The following TTBK2 variants were observed in gnomAD, a reference collection of about 807,000 sequenced individuals.
TTBK2 encodes tau-tubulin kinase 2.
TTBK2 carries 28 observed loss-of-function variants against 110.8 expected under a neutral mutation model. That is an observed-to-expected ratio of 0.25 (90% confidence interval 0.19 to 0.35). TTBK2 has a LOEUF of 0.35. Among genes scored for constraint, TTBK2 ranks in the 10% least tolerant of loss-of-function variants. TTBK2 has a pLI of 1.00. For synonymous variants in TTBK2, 532 were observed against 527.3 expected (o/e 1.01, Z -0.12); for missense variants, 1,369 against 1,500.3 (o/e 0.91, Z 1.45).
In TTBK2 at chr15:42,741,546, A is replaced by T. The variant is rs2061751582; in HGVS notation, c.*4249T>A. The T allele has an allele frequency of 6.6e-6, 1 of 152,212 alleles. No individual in the cohort carries two copies. The highest frequency in any genetic ancestry group is 2.4e-5 in the African/African-American group (1 of 41,444). The allele number at this position is 152,212 out of a possible 1,614,324, so 9.4% of individuals were successfully genotyped here. On this transcript the variant is annotated 3_prime_UTR_variant, in exon 15 of 15. Transcript: ENST00000267890. ...CTAAAGTACCTCTCCCCTGAGGCAA[A>T]GTCCCGACACATCTGTGGTAAGTGC...
At chr15:42,873,221 C>T (rs1037735473) in intron 2 of TTBK2, among the ~76,000 whole-genome samples, 10 of 152,162 alleles carry the variant, frequency 6.6e-5, no homozygotes, top group African/African-American at 2.2e-4. Context: ...CACTTGAAGT[C>T]AGGAGTTCGA....
At chr15:42,760,827 GA>G (rs2062015445) in intron 13 of TTBK2, among the ~76,000 whole-genome samples, 1 of 152,072 alleles carries the variant, frequency 6.6e-6, no homozygotes, top group Non-Finnish European at 1.5e-5. Context: ...ATTTTTTGCA[GA>G]AATAGAAAAA....
intron 8 of TTBK2, among the ~76,000 whole-genome samples, chr15:42,811,050 G>A (rs1389098307): frequency 6.6e-6 from 1 of 152,166 alleles, no homozygotes; most frequent in Non-Finnish European, 1.5e-5. Context: ...AAGTGCAATG[G>A]CATGATCACA....
intron 1 of TTBK2, among the ~76,000 whole-genome samples, chr15:42,890,717 C>T (rs1445772360): frequency 6.6e-6 from 1 of 152,106 alleles, no homozygotes; most frequent in African/African-American, 2.4e-5. Flanking sequence ...GAAGTGACTC[C>T]AAGCTTCAGG....
At chr15:42,769,331 T>C (rs1050276719) in intron 13 of TTBK2, among the ~76,000 whole-genome samples, 19 of 152,244 alleles carry the variant, frequency 1.2e-4, no homozygotes, top group African/African-American at 3.9e-4. Context: ...AGGCAACTTA[T>C]AGAATGGGAG....
At chr15:42,841,360 C>T (rs1388182491) in intron 3 of TTBK2, among the ~76,000 whole-genome samples, 1 of 152,108 alleles carries the variant, frequency 6.6e-6, no homozygotes, top group Non-Finnish European at 1.5e-5. Context: ...GAGGTGTGTG[C>T]CACCACACCT....
chr15:42,790,238 TCTTGCTATA>T (rs1238933040), intron 10 of TTBK2, among the ~76,000 whole-genome samples: 1 of 152,034 alleles, frequency 6.6e-6, no homozygotes, highest in African/African-American at 2.4e-5. Flanking sequence ...GTGCACAGTA[TCTTGCTATA>T]CTTGCTATAT....
chr15:42,807,638 T>C (rs377313644), intron 9 of TTBK2, among the ~76,000 whole-genome samples: 1 of 152,060 alleles, frequency 6.6e-6, no homozygotes. Context: ...GGTGTTACTA[T>C]GTTGCCCAGG....
intron 1 of TTBK2, among the ~76,000 whole-genome samples, chr15:42,905,118 C>T (rs977859663): frequency 1.3e-5 from 2 of 152,078 alleles, no homozygotes; most frequent in Non-Finnish European, 2.9e-5. Flanking sequence ...GTGCTATCCG[C>T]CCATCTTGGC....
chr15:42,813,690 A>T (rs1352450816), intron 7 of TTBK2, among the ~76,000 whole-genome samples: 2 of 151,854 alleles, frequency 1.3e-5, no homozygotes, highest in Non-Finnish European at 2.9e-5. Context: ...ATTAAAAAAT[A>T]AAAAAATTAG....
chr15:42,858,344 A>G (rs1202911238), intron 3 of TTBK2, among the ~76,000 whole-genome samples: 1 of 152,202 alleles, frequency 6.6e-6, no homozygotes, highest in Admixed American at 6.5e-5. Flanking sequence ...ATACTCAAAA[A>G]ATTATATGAC....
At chr15:42,884,138 GA>G (rs1895155256) in intron 1 of TTBK2, among the ~76,000 whole-genome samples, 1 of 152,052 alleles carries the variant, frequency 6.6e-6, no homozygotes, top group Non-Finnish European at 1.5e-5. Flanking sequence ...ACTGAAAGGA[GA>G]AACAGACAAA....
intron 6 of TTBK2, among the ~76,000 whole-genome samples, chr15:42,818,957 A>AACAG (rs1475968882): frequency 2.0e-5 from 3 of 150,572 alleles, no homozygotes; most frequent in Non-Finnish European, 4.4e-5. Context: ...CAAACAAACA[A>AACAG]ACATTGTCTC....
At chr15:42,792,169 T>C (rs1890717522) in intron 10 of TTBK2, among the ~76,000 whole-genome samples, 1 of 152,174 alleles carries the variant, frequency 6.6e-6, no homozygotes, top group African/African-American at 2.4e-5. Flanking sequence ...CTAGTGTATA[T>C]TTCAAAATAG....
chr15:42,849,242 T>C (rs888373320), intron 3 of TTBK2, among the ~76,000 whole-genome samples: 6 of 152,194 alleles, frequency 3.9e-5, no homozygotes, highest in South Asian at 2.1e-4. Flanking sequence ...TCATCTATCA[T>C]GTCCATTCTG....
chr15:42,756,215 A>C (rs1388050183), intron 13 of TTBK2, among the ~76,000 whole-genome samples: 1 of 151,856 alleles, frequency 6.6e-6, no homozygotes, highest in Non-Finnish European at 1.5e-5. Context: ...AAAAACAAAA[A>C]CAAAAAAAAC....
At chr15:42,833,058 T>C (rs953127804) in intron 4 of TTBK2, among the ~76,000 whole-genome samples, 10 of 150,980 alleles carry the variant, frequency 6.6e-5, no homozygotes, top group African/African-American at 2.0e-4. Context: ...ACGGGGAGGA[T>C]TGAAGGAGGG....
intron 1 of TTBK2, among the ~76,000 whole-genome samples, chr15:42,898,061 C>T (rs902281455): frequency 2.6e-5 from 4 of 151,980 alleles, no homozygotes; most frequent in Non-Finnish European, 5.9e-5. Flanking sequence ...TGTGATGGTG[C>T]GTGCCTGTTG....
At chr15:42,880,602 C>T (rs1186788137) in intron 1 of TTBK2, among the ~76,000 whole-genome samples, 1 of 152,058 alleles carries the variant, frequency 6.6e-6, no homozygotes, top group East Asian at 1.9e-4. Context: ...CTATGTTGCC[C>T]AGGCTGGTCT....
Sources: gnomAD v4.1 joint callset for allele counts (sites outside exome capture counted in the v4.1 genomes callset) on GRCh38, gnomAD v4.1.1 for gene constraint, MANE v1.5 for transcripts, NCBI Gene and HGNC (gene_info 2026-07-23, HGNC 2026-07-21) for gene names.